Variants in GREB1 observed in about 807,000 individuals in gnomAD.
GREB1 encodes protein GREB1.
GREB1 carries 106 observed loss-of-function variants against 200.7 expected under a neutral mutation model. The ratio of observed to expected loss-of-function variants is 0.53; its 90% CI spans 0.45 to 0.62. The LOEUF (loss-of-function observed/expected upper bound fraction) is 0.62, where lower values mean the gene tolerates loss of function less well. GREB1 is among the 20% of genes least tolerant of loss of function. GREB1 has a pLI of 0.00. For missense variants in GREB1, 2,243 were observed against 2,556.8 expected (o/e 0.88, Z 2.65); for synonymous variants, 1,132 against 1,092.4 (o/e 1.04, Z -0.72).
rs376833324 is a variant in GREB1 at position 11,562,432 on chromosome 2, C to T, written c.158-31C>T. 5 of 1,610,354 alleles carry T rather than the reference C, an allele frequency of 3.1e-6. No homozygotes were observed. In the African/African-American group the frequency reaches 6.7e-5, roughly 22 times the overall value. ...AAGCTCTGAGGCCAGACAGCAGCTG[C>T]CTTGCTCATCACTCTTCTTCCCGCA... On this transcript the variant is annotated intron_variant, in intron 2 of 32. Transcript: ENST00000381486.
intron 1 of GREB1, among the ~76,000 whole-genome samples, chr2:11,483,379 A>G (rs994180417): frequency 6.6e-6 from 1 of 151,312 alleles, no homozygotes. Flanking sequence ...GGCGCTTGGC[A>G]CATGGTGAGC....
At chr2:11,614,528 G>T (rs1468976603) in intron 19 of GREB1, among the ~76,000 whole-genome samples, 2 of 152,050 alleles carry the variant, frequency 1.3e-5, no homozygotes, top group Admixed American at 6.6e-5. Context: ...AAGTAGCAGA[G>T]CTCAGGTTCA....
chr2:11,611,125 G>T lies in GREB1; in HGVS notation c.3006+98G>T, dbSNP rs1027357150. On this transcript the variant is annotated intron_variant, in intron 18 of 32. Coordinates refer to ENST00000381486, the MANE Select transcript of GREB1 (RefSeq NM_014668.4). ...GGGAGTGTCACGAACCCCACAGCGT[G>T]GCCAACGTGGCTTCCCTAGACCCAG... 7.7e-6 allele frequency: 8 copies of T among 1,036,824 alleles called. No homozygotes were observed. In the African/African-American group the frequency reaches 1.3e-4, roughly 17 times the overall value. The allele number at this position is 1,036,824 out of a possible 1,614,324, so 64.2% of individuals were successfully genotyped here.
At chr2:11,543,122 C>T (rs1469359473) in intron 1 of GREB1, among the ~76,000 whole-genome samples, 1 of 152,046 alleles carries the variant, frequency 6.6e-6, no homozygotes. Context: ...TGGAATAGTC[C>T]CTGCTGTCAA....
intron 1 of GREB1, among the ~76,000 whole-genome samples, chr2:11,515,140 AC>A (rs1007332366): frequency 3.1e-5 from 4 of 130,274 alleles, no homozygotes; most frequent in African/African-American, 1.3e-4. Flanking sequence ...CCATCCACCC[AC>A]CCCCCATCCG....
At chr2:11,494,230 G>T (rs1042342021) in intron 1 of GREB1, among the ~76,000 whole-genome samples, 4 of 152,264 alleles carry the variant, frequency 2.6e-5, no homozygotes, top group Non-Finnish European at 5.9e-5. Context: ...TGATCCGGGG[G>T]TGCCCCCAAC....
intron 1 of GREB1, among the ~76,000 whole-genome samples, chr2:11,506,312 G>C (rs1266893354): frequency 6.6e-6 from 1 of 152,164 alleles, no homozygotes; most frequent in East Asian, 1.9e-4. Context: ...GCTGAGCCAG[G>C]GTCAAATGGT....
rs957254460 is a variant in GREB1 at position 11,573,650 on chromosome 2, C to A, written c.455-2703C>A. On this transcript the variant is annotated intron_variant, in intron 4 of 32. Transcript: ENST00000381486. Reference sequence around the variant, plus strand: ...CTGTGGCTATCTCTCCAAGACACCTCACAGAAGAGCAGCTGGGTCTCCTGA... The same window carrying A: ...CTGTGGCTATCTCTCCAAGACACCTAACAGAAGAGCAGCTGGGTCTCCTGA... Among the ~76,000 whole-genome samples the A allele has an allele frequency of 2.0e-4, 30 of 152,184 alleles. 1 individual carries two copies. Among genetic ancestry groups the A allele is most frequent in the Admixed American group, 1.8e-3 (28 of 15,278 alleles).
chr2:11,485,217 G>A (rs1672625835), intron 1 of GREB1, among the ~76,000 whole-genome samples: 1 of 151,510 alleles, frequency 6.6e-6, no homozygotes, highest in Middle Eastern at 3.2e-3. Context: ...TCTTTTGCTG[G>A]GTAGGTAATT....
chr2:11,581,120 T>C (rs1023909284), intron 7 of GREB1: 20 of 604,876 alleles, frequency 3.3e-5, no homozygotes, highest in Middle Eastern at 3.7e-4. Flanking sequence ...TGGAGGATGG[T>C]AGAATTTTGG....
At chr2:11,593,517 C>T (rs752266930) in intron 11 of GREB1, among the ~76,000 whole-genome samples, 16 of 152,218 alleles carry the variant, frequency 1.1e-4, no homozygotes, top group Non-Finnish European at 2.4e-4. Flanking sequence ...GACAAGGTCT[C>T]ACTCTGTTGC....
At chr2:11,637,655 G>A (rs1685486160) in intron 30 of GREB1, 61 bp from the exon 31 acceptor site, 4 of 1,521,996 alleles carry the variant, frequency 2.6e-6, no homozygotes, top group Non-Finnish European at 3.6e-6. Flanking sequence ...CAGCCCGGAA[G>A]CCATGGGAAG....
intron 26 of GREB1, among the ~76,000 whole-genome samples, chr2:11,631,051 G>C (rs1261016327): frequency 2.0e-5 from 3 of 152,202 alleles, no homozygotes; most frequent in Admixed American, 2.0e-4. Context: ...GGCTGGGGTT[G>C]GGTGTTGCGG....
At chr2:11,550,133 G>A (rs1483733694) in intron 1 of GREB1, among the ~76,000 whole-genome samples, 3 of 152,150 alleles carry the variant, frequency 2.0e-5, no homozygotes, top group African/African-American at 2.4e-5. Context: ...CAGGAGAATC[G>A]CTTGAACCTG....
intron 1 of GREB1, among the ~76,000 whole-genome samples, chr2:11,503,846 A>G (rs548497489): frequency 2.8e-4 from 3 of 10,650 alleles, no homozygotes; most frequent in Non-Finnish European, 5.2e-4. Context: ...AATATTCAGC[A>G]TTCCAGTAAT....
At chr2:11,570,885 A>G (rs1048042324) in intron 4 of GREB1, among the ~76,000 whole-genome samples, 1 of 152,086 alleles carries the variant, frequency 6.6e-6, no homozygotes, top group African/African-American at 2.4e-5. Context: ...ACCACCCCTG[A>G]GTGCTTCATC....
At chr2:11,509,636 G>A (rs1371223014) in intron 1 of GREB1, among the ~76,000 whole-genome samples, 3 of 152,180 alleles carry the variant, frequency 2.0e-5, no homozygotes, top group African/African-American at 7.2e-5. Flanking sequence ...ATAGTATTCA[G>A]AGGTGGGCCT....
At chr2:11,581,964 A>G (rs1261059916) in intron 7 of GREB1, among the ~76,000 whole-genome samples, 1 of 152,196 alleles carries the variant, frequency 6.6e-6, no homozygotes, top group East Asian at 1.9e-4. Flanking sequence ...TCCGAAACCC[A>G]CAGCAGCCAA....
chr2:11,624,750 A>G (rs1684296775), intron 23 of GREB1, among the ~76,000 whole-genome samples: 1 of 152,222 alleles, frequency 6.6e-6, no homozygotes, highest in African/African-American at 2.4e-5. Flanking sequence ...CATGTGGCCC[A>G]GGACAGCTTT....
Sources: gnomAD v4.1 joint callset for allele counts (sites outside exome capture counted in the v4.1 genomes callset) on GRCh38, gnomAD v4.1.1 for gene constraint, MANE v1.5 for transcripts, NCBI Gene and HGNC (gene_info 2026-07-23, HGNC 2026-07-21) for gene names.